The following APBA1 variants were observed in gnomAD, a reference collection of about 807,000 sequenced individuals.
The protein encoded by APBA1 is amyloid beta precursor protein binding family A member 1.
APBA1 carries 55 observed loss-of-function variants against 86.6 expected under a neutral mutation model. That is an observed-to-expected ratio of 0.64 (90% confidence interval 0.51 to 0.80). APBA1 has a LOEUF of 0.80. Among genes scored for constraint, APBA1 ranks in the 30% least tolerant of loss-of-function variants. The pLI, the probability that APBA1 is intolerant of heterozygous loss-of-function variation, is 0.00. For synonymous variants in APBA1, 511 were observed against 493.9 expected, an observed-to-expected ratio of 1.03 and a Z score of -0.46; for missense variants, 1,090 against 1,183.0, an observed-to-expected ratio of 0.92 and a Z score of 1.15.
intron 1 of APBA1, among the ~76,000 whole-genome samples, chr9:69,576,018 A>C (rs936552334): frequency 1.3e-5 from 2 of 152,228 alleles, no homozygotes; most frequent in Admixed American, 6.5e-5. Flanking sequence ...CAAGAAAAAA[A>C]CAAACAATCC....
intron 1 of APBA1, among the ~76,000 whole-genome samples, chr9:69,658,174 G>A (rs1476544181): frequency 1.3e-5 from 2 of 152,172 alleles, no homozygotes; most frequent in Non-Finnish European, 2.9e-5. Context: ...TGGTTACCCT[G>A]TAGAGAGGCC....
At chr9:69,481,301 A>G (rs940637373) in intron 2 of APBA1, among the ~76,000 whole-genome samples, 3 of 152,082 alleles carry the variant, frequency 2.0e-5, no homozygotes, top group Admixed American at 6.5e-5. Context: ...TCAATGTGCA[A>G]AAATCACAAG....
chr9:69,638,247 TGTTTTTGTTTTGAGATGGA>T (rs906324003), intron 1 of APBA1, among the ~76,000 whole-genome samples: 4 of 152,144 alleles, frequency 2.6e-5, no homozygotes, highest in African/African-American at 9.7e-5. Context: ...TTTTTGTTTT[TGTTTTTGTTTTGAGATGGA>T]GTTTTACTCT....
chr9:69,535,448 T>C (rs1836493639), intron 1 of APBA1, among the ~76,000 whole-genome samples: 1 of 152,216 alleles, frequency 6.6e-6, no homozygotes. Context: ...ATTCTCAGTG[T>C]TTGGAAATTT....
At chr9:69,434,935 T>C (rs1317252970) in intron 11 of APBA1, among the ~76,000 whole-genome samples, 1 of 113,090 alleles carries the variant, frequency 8.8e-6, no homozygotes, top group Non-Finnish European at 1.8e-5. Flanking sequence ...CCTAATGCTA[T>C]CCCTCCCCCC....
chr9:69,488,977 A>G (rs1835656138), intron 2 of APBA1, among the ~76,000 whole-genome samples: 2 of 152,230 alleles, frequency 1.3e-5, no homozygotes, highest in Admixed American at 1.3e-4. Flanking sequence ...AATGAAATAA[A>G]AGAGGACACA....
intron 5 of APBA1, among the ~76,000 whole-genome samples, chr9:69,458,964 G>A (rs1835146671): frequency 6.6e-6 from 1 of 152,020 alleles, no homozygotes; most frequent in Non-Finnish European, 1.5e-5. Flanking sequence ...GCGCCACCAC[G>A]CCTGGCTAGT....
At chr9:69,647,393 C>T (rs945168441) in intron 1 of APBA1, among the ~76,000 whole-genome samples, 6 of 152,148 alleles carry the variant, frequency 3.9e-5, no homozygotes, top group Admixed American at 1.3e-4. Flanking sequence ...GAAGTCATTA[C>T]TCTTAAATTC....
At chr9:69,625,642 A>G (rs899426618) in intron 1 of APBA1, among the ~76,000 whole-genome samples, 1 of 152,196 alleles carries the variant, frequency 6.6e-6, no homozygotes, top group African/African-American at 2.4e-5. Context: ...CAATTAGTTT[A>G]AATCACTGTC....
chr9:69,636,638 G>T (rs932948172), intron 1 of APBA1, among the ~76,000 whole-genome samples: 4 of 151,406 alleles, frequency 2.6e-5, no homozygotes, highest in Non-Finnish European at 4.4e-5. Flanking sequence ...TCTACAAAAA[G>T]TACAAAAATC....
chr9:69,471,797 C>A (rs1835370482), intron 3 of APBA1, 102 bp from the exon 4 acceptor site: 3 of 894,668 alleles, frequency 3.4e-6, no homozygotes, highest in African/African-American at 3.4e-5. Flanking sequence ...TAATCAGTGG[C>A]AGTTACCAAT....
intron 8 of APBA1, among the ~76,000 whole-genome samples, chr9:69,454,807 A>G (rs898063879): frequency 2.0e-5 from 3 of 151,946 alleles, no homozygotes; most frequent in African/African-American, 4.9e-5. Context: ...GGCCTGCAGG[A>G]CACAGGAGGC....
intron 1 of APBA1, among the ~76,000 whole-genome samples, chr9:69,620,880 G>C (rs2133989658): frequency 6.6e-6 from 1 of 152,352 alleles, no homozygotes; most frequent in South Asian, 2.1e-4. Flanking sequence ...GAGCTGCACA[G>C]TTGGACGACA....
intron 4 of APBA1, among the ~76,000 whole-genome samples, chr9:69,468,288 G>A (rs1306473000): frequency 6.6e-6 from 1 of 152,202 alleles, no homozygotes; most frequent in African/African-American, 2.4e-5. Flanking sequence ...TAGGGGACAA[G>A]GACCATGTGA....
intron 1 of APBA1, among the ~76,000 whole-genome samples, chr9:69,643,051 C>G (rs971610255): frequency 6.6e-6 from 1 of 151,878 alleles, no homozygotes; most frequent in Non-Finnish European, 1.5e-5. Flanking sequence ...CACCCCTCCT[C>G]CCCCCTCCAC....
intron 1 of APBA1, among the ~76,000 whole-genome samples, chr9:69,558,236 T>C (rs1185271633): frequency 1.3e-5 from 2 of 152,164 alleles, no homozygotes; most frequent in Non-Finnish European, 2.9e-5. Flanking sequence ...TTGCTTTGTG[T>C]TATTTGGCTT....
At position 69,654,112 on chromosome 9, in the gene APBA1, CAA is replaced by C. The variant is rs34666773; in HGVS notation, c.-70+18039_-70+18040del. ...CGGCAACGAGAGCGAAACTCCATCT[CAA>C]AAAAAAAAAAAAAAAAAAAGAGGGA... On this transcript the variant is annotated intron_variant, in intron 1 of 12. Coordinates refer to ENST00000265381, the MANE Select transcript of APBA1 (RefSeq NM_001163.4). Among the ~76,000 whole-genome samples the C allele has an allele frequency of 9.3e-3, 562 of 60,334 alleles. 3 individuals carry two copies. Among genetic ancestry groups the C allele is most frequent in the Middle Eastern group, 0.038 (4 of 106 alleles). The allele number at this position is 60,334 out of a possible 152,430, so 39.6% of individuals were successfully genotyped here.
At chr9:69,475,391 G>A (rs779984033) in intron 3 of APBA1, among the ~76,000 whole-genome samples, 8 of 152,194 alleles carry the variant, frequency 5.3e-5, no homozygotes, top group Non-Finnish European at 7.3e-5. Flanking sequence ...ACAGGCACAT[G>A]AGGCTAATGA....
chr9:69,493,427 T>C (rs1835744773), intron 2 of APBA1, among the ~76,000 whole-genome samples: 2 of 152,018 alleles, frequency 1.3e-5, no homozygotes, highest in African/African-American at 2.4e-5. Context: ...CCATTTCAAA[T>C]AGTACTTTTT....
Sources: allele counts gnomAD v4.1 joint callset (sites outside exome capture counted in the v4.1 genomes callset), GRCh38; gene constraint gnomAD v4.1.1; transcripts MANE v1.5; gene names NCBI Gene and HGNC (gene_info 2026-07-23, HGNC 2026-07-21).